The following EYS variants were observed in gnomAD, a reference collection of about 807,000 sequenced individuals.
The protein encoded by EYS is EGF-like photoreceptor maintenance factor.
EYS carries 250 observed loss-of-function variants against 282.1 expected under a neutral mutation model. The observed-to-expected ratio is 0.89, with a 90% CI of 0.80 to 0.98. The LOEUF is 0.98. EYS is among the 50% of genes least tolerant of loss of function. The pLI, the probability that EYS is intolerant of heterozygous loss-of-function variation, is 0.00. For missense variants in EYS, 4,016 were observed against 3,709.0 expected, an observed-to-expected ratio of 1.08 and a Z score of -2.15; for synonymous variants, 1,355 against 1,282.9, an observed-to-expected ratio of 1.06 and a Z score of -1.20.
chr6:63,878,785 G>T (rs1773049537), intron 35 of EYS, among the ~76,000 whole-genome samples: 2 of 152,212 alleles, frequency 1.3e-5, no homozygotes, highest in Non-Finnish European at 2.9e-5. Context: ...CCAGGCACGG[G>T]ATATAATCTC....
chr6:64,125,154 G>GCGCGCGCTCTCTC (rs1773724746), intron 31 of EYS, among the ~76,000 whole-genome samples: 6 of 145,264 alleles, frequency 4.1e-5, no homozygotes, highest in African/African-American at 1.6e-4. Context: ...CACACTCTCT[G>GCGCGCGCTCTCTC]TCTCTCTCTC....
chr6:65,233,797 C>T (rs1256924435), intron 12 of EYS, among the ~76,000 whole-genome samples: 1 of 152,100 alleles, frequency 6.6e-6, no homozygotes, highest in East Asian at 1.9e-4. Flanking sequence ...CACTGTTTTG[C>T]TAGAAGTTGT....
chr6:65,389,274 T>C (rs766820689), intron 7 of EYS, among the ~76,000 whole-genome samples: 1 of 152,142 alleles, frequency 6.6e-6, no homozygotes, highest in Non-Finnish European at 1.5e-5. Context: ...GATTCTGGTT[T>C]CTCTTCTAAC....
intron 22 of EYS, among the ~76,000 whole-genome samples, chr6:64,794,796 T>C (rs1346931276): frequency 6.6e-6 from 1 of 152,206 alleles, no homozygotes; most frequent in Non-Finnish European, 1.5e-5. Context: ...CCCATTACTA[T>C]GATTTTCTGA....
chr6:64,902,334 T>C lies in EYS; in HGVS notation c.2738+70A>G, dbSNP rs1410117878. ...TTATAATTGTTGCTTAATTCACCAATTAAAATTCTATACCTGTATACATCT... is the reference window on the plus strand; with the variant it reads ...TTATAATTGTTGCTTAATTCACCAACTAAAATTCTATACCTGTATACATCT... On this transcript the variant is annotated intron_variant, in intron 17 of 42. Coordinates refer to ENST00000503581, the MANE Select transcript of EYS (RefSeq NM_001142800.2). The C allele has an allele frequency of 3.8e-6, 5 of 1,327,156 alleles. No individual in the cohort carries two copies. In the African/African-American group the frequency reaches 7.5e-5, roughly 20 times the overall value. The allele number at this position is 1,327,156 out of a possible 1,614,324, so 82.2% of individuals were successfully genotyped here. A position where few individuals can be genotyped will look rare whatever the true frequency, so the allele number is the denominator to read the frequency against.
rs781499990 is a variant in EYS, at chr6:64,230,670, C to G, written c.6346G>C (p.Ala2116Pro). ...ACTATGCCACTGGAGAGGAAGATGG[C>G]ATGGCATGTGCCTCCATTGTGGCAT... ...DVCHNGGTCH[A>P]IFLSSGIVSF... Residue 2116 changes from alanine (A) to proline (P), a missense_variant, in exon 31 of 43, where the codon GCC (alanine) becomes CCC (proline). Transcript: ENST00000503581. 12 of 1,551,574 alleles carry G rather than the reference C, an allele frequency of 7.7e-6. No homozygotes were observed. Among genetic ancestry groups the G allele is most frequent in the Non-Finnish European group, 9.6e-6 (11 of 1,146,908 alleles).
intron 30 of EYS, among the ~76,000 whole-genome samples, chr6:64,292,583 T>C (rs2150366360): frequency 6.6e-6 from 1 of 152,178 alleles, no homozygotes; most frequent in South Asian, 2.1e-4. Context: ...AAGGTATTTC[T>C]AAGATCGAGG....
chr6:64,563,327 T>G (rs1765458920), intron 26 of EYS, among the ~76,000 whole-genome samples: 1 of 151,754 alleles, frequency 6.6e-6, no homozygotes, highest in Non-Finnish European at 1.5e-5. Context: ...TTTTATTTTT[T>G]CTTTTTTGAA....
intron 21 of EYS, among the ~76,000 whole-genome samples, chr6:64,820,938 C>T (rs1298072969): frequency 6.6e-6 from 1 of 151,870 alleles, no homozygotes; most frequent in African/African-American, 2.4e-5. Flanking sequence ...ATAAAATACC[C>T]ATGGTTTCAC....
At chr6:63,824,527 G>A (rs961419865) in intron 36 of EYS, among the ~76,000 whole-genome samples, 5 of 152,220 alleles carry the variant, frequency 3.3e-5, no homozygotes, top group African/African-American at 1.2e-4. Flanking sequence ...TCTGAAGGAA[G>A]TGGACTGCTG....
intron 26 of EYS, among the ~76,000 whole-genome samples, chr6:64,477,706 T>C (rs1479763320): frequency 6.6e-6 from 1 of 152,074 alleles, no homozygotes; most frequent in Non-Finnish European, 1.5e-5. Context: ...TTGGAAATGT[T>C]ACAAGATAAA....
chr6:64,908,339 C>T (rs1021712592), intron 16 of EYS, among the ~76,000 whole-genome samples: 39 of 152,236 alleles, frequency 2.6e-4, no homozygotes, highest in African/African-American at 9.1e-4. Flanking sequence ...GTGAGGGTGC[C>T]TGTGACACTG....
At chr6:65,451,883 T>C (rs1244023481) in intron 5 of EYS, among the ~76,000 whole-genome samples, 1 of 151,974 alleles carries the variant, frequency 6.6e-6, no homozygotes, top group African/African-American at 2.4e-5. Context: ...TTCAATGGTA[T>C]GTTATTAATG....
intron 22 of EYS, among the ~76,000 whole-genome samples, chr6:64,799,148 T>C (rs1774455208): frequency 6.6e-6 from 1 of 151,918 alleles, no homozygotes; most frequent in African/African-American, 2.4e-5. Flanking sequence ...AAGCATTTTT[T>C]ACAAGTCTCC....
At chr6:64,630,891 C>T (rs552444323) in intron 22 of EYS, among the ~76,000 whole-genome samples, 1 of 152,262 alleles carries the variant, frequency 6.6e-6, no homozygotes, top group East Asian at 1.9e-4. Flanking sequence ...AAATTTATAA[C>T]ATGGGGAAAT....
At chr6:65,532,105 A>G (rs1225478708) in intron 2 of EYS, among the ~76,000 whole-genome samples, 1 of 152,180 alleles carries the variant, frequency 6.6e-6, no homozygotes, top group African/African-American at 2.4e-5. Flanking sequence ...TGAAATATGA[A>G]TATTTTAAAT....
chr6:64,997,055 C>T (rs749953682), intron 14 of EYS, among the ~76,000 whole-genome samples: 5 of 152,044 alleles, frequency 3.3e-5, no homozygotes, highest in Non-Finnish European at 7.4e-5. Flanking sequence ...CCAACCATGT[C>T]ACAGATCATT....
At chr6:63,736,099 A>C (rs528011521) in intron 41 of EYS, among the ~76,000 whole-genome samples, 1 of 152,032 alleles carries the variant, frequency 6.6e-6, no homozygotes, top group Non-Finnish European at 1.5e-5. Context: ...GTGTTTTCCC[A>C]TTTGTCAATT....
chr6:64,823,335 A>G (rs554350468), intron 19 of EYS, among the ~76,000 whole-genome samples: 1 of 151,996 alleles, frequency 6.6e-6, no homozygotes, highest in South Asian at 2.1e-4. Flanking sequence ...AGCACCTACC[A>G]AGAACCACCT....
Sources: gnomAD v4.1 joint callset for allele counts (sites outside exome capture counted in the v4.1 genomes callset) on GRCh38, gnomAD v4.1.1 for gene constraint, MANE v1.5 for transcripts, NCBI Gene and HGNC (gene_info 2026-07-23, HGNC 2026-07-21) for gene names.